Variants in RARB observed in about 807,000 individuals in gnomAD.
RARB encodes HBV-activated protein.
A neutral mutation model predicts 51.9 loss-of-function variants in RARB; 17 were observed. The ratio of observed to expected loss-of-function variants is 0.33; its 90% confidence interval spans 0.22 to 0.49. The LOEUF is 0.49. Among genes scored for constraint, RARB ranks in the 20% least tolerant of loss-of-function variants. The pLI is 0.99. For synonymous variants in RARB, 215 were observed against 195.4 expected (o/e 1.10, Z -0.84); for missense variants, 369 against 550.8 (o/e 0.67, Z 3.30).
At position 25,325,946 on chromosome 3, in the gene RARB, T is replaced by C. The variant is rs138524959; in HGVS notation, c.179-135247T>C. On this transcript the variant is annotated intron_variant, in intron 5 of 11. Coordinates refer to the RARB transcript ENST00000383772. The stretch of plus-strand genomic sequence containing the variant: ...AGACCAACAGATTCCAAATCACCTG[T>C]TGAGACCATGCAAGAGAAACGGAAG... Among the ~76,000 whole-genome samples, 255 of 152,314 alleles carry C rather than the reference T, an allele frequency of 1.7e-3. 1 individual carries two copies. Among genetic ancestry groups the C allele is most frequent in the African/African-American group, 5.8e-3 (243 of 41,564 alleles).
At chr3:25,306,222 C>G (rs1704148953) in intron 5 of RARB, among the ~76,000 whole-genome samples, 1 of 152,158 alleles carries the variant, frequency 6.6e-6, no homozygotes, top group South Asian at 2.1e-4. Context: ...CAGCTGCCCC[C>G]CAGGAAGGCC....
At chr3:25,572,078 G>A (rs73151315) in intron 4 of RARB, among the ~76,000 whole-genome samples, 9,193 of 152,240 alleles carry the variant, frequency 0.06, 374 homozygotes, top group South Asian at 0.12. Flanking sequence ...AGGTGAGGGC[G>A]TCTTGACCTA....
At chr3:24,830,257 A>G (rs565191790) in intron 1 of RARB, among the ~76,000 whole-genome samples, 2 of 143,406 alleles carry the variant, frequency 1.4e-5, no homozygotes, top group African/African-American at 5.1e-5. Context: ...ATGTAATTGC[A>G]GTGTGCCCCA....
intron 4 of RARB, among the ~76,000 whole-genome samples, chr3:25,134,555 A>G (rs1700001087): frequency 6.6e-6 from 1 of 151,992 alleles, no homozygotes; most frequent in South Asian, 2.1e-4. Context: ...TAATCATTCA[A>G]AGGTGTTAGC....
intron 2 of RARB, among the ~76,000 whole-genome samples, chr3:25,024,607 C>T (rs1395477381): frequency 1.3e-5 from 2 of 152,048 alleles, no homozygotes; most frequent in Admixed American, 1.3e-4. Flanking sequence ...GTCCATTGGA[C>T]TAGAAAGCCA....
intron 5 of RARB, among the ~76,000 whole-genome samples, chr3:25,586,936 T>A (rs1438350843): frequency 6.6e-6 from 1 of 152,218 alleles, no homozygotes; most frequent in African/African-American, 2.4e-5. Context: ...CACCTGTAGA[T>A]GTGGCACGAT....
intron 5 of RARB, among the ~76,000 whole-genome samples, chr3:25,208,686 CT>C (rs1463220791): frequency 6.6e-6 from 1 of 152,036 alleles, no homozygotes; most frequent in Non-Finnish European, 1.5e-5. Flanking sequence ...ATGCTGTCTC[CT>C]TTTGTTATTT....
At chr3:25,445,296 A>G (rs975893665) in intron 1 of RARB, among the ~76,000 whole-genome samples, 2 of 152,200 alleles carry the variant, frequency 1.3e-5, no homozygotes, top group African/African-American at 4.8e-5. Context: ...AATTAAAATA[A>G]GCATGACCAG....
intron 2 of RARB, among the ~76,000 whole-genome samples, chr3:25,013,276 C>A (rs1000187837): frequency 1.3e-5 from 2 of 152,068 alleles, no homozygotes; most frequent in East Asian, 1.9e-4. Context: ...CTATCTCAGA[C>A]CCTTATGTCA....
At chr3:25,441,346 T>G (rs1559403743) in intron 1 of RARB, 2 of 352,888 alleles carry the variant, frequency 5.7e-6, no homozygotes. Context: ...AAGGGAAGTT[T>G]GCGAATCAGT....
At chr3:24,919,437 A>T (rs567473569) in intron 2 of RARB, among the ~76,000 whole-genome samples, 5 of 152,336 alleles carry the variant, frequency 3.3e-5, no homozygotes, top group African/African-American at 1.2e-4. Flanking sequence ...CTAATCAAAG[A>T]TGGCCAACTG....
At chr3:24,869,439 T>G (rs1398250691) in intron 2 of RARB, among the ~76,000 whole-genome samples, 1 of 152,276 alleles carries the variant, frequency 6.6e-6, no homozygotes, top group Non-Finnish European at 1.5e-5. Flanking sequence ...TATTTTCTTT[T>G]GATTCAATAA....
intron 2 of RARB, among the ~76,000 whole-genome samples, chr3:24,874,977 T>G (rs763314187): frequency 6.6e-6 from 1 of 152,146 alleles, no homozygotes; most frequent in East Asian, 1.9e-4. Context: ...AAAAATCTAA[T>G]GCTTATTAAT....
At chr3:24,929,820 T>C (rs953698342) in intron 2 of RARB, among the ~76,000 whole-genome samples, 3 of 152,112 alleles carry the variant, frequency 2.0e-5, no homozygotes, top group Admixed American at 6.6e-5. Flanking sequence ...GGCTGCTGTT[T>C]TGAGTTGACT....
At chr3:25,204,209 G>C (rs1701469796) in intron 5 of RARB, among the ~76,000 whole-genome samples, 1 of 152,202 alleles carries the variant, frequency 6.6e-6, no homozygotes, top group South Asian at 2.1e-4. Flanking sequence ...CTTTCTTCCA[G>C]TTGATCGAAT....
At chr3:25,447,514 A>C (rs1398182119) in intron 1 of RARB, among the ~76,000 whole-genome samples, 1 of 152,210 alleles carries the variant, frequency 6.6e-6, no homozygotes, top group Non-Finnish European at 1.5e-5. Flanking sequence ...AATGTTTGTC[A>C]GCAGTTGATG....
intron 5 of RARB, among the ~76,000 whole-genome samples, chr3:25,294,441 T>C (rs562251443): frequency 1.3e-5 from 2 of 152,206 alleles, no homozygotes; most frequent in South Asian, 2.1e-4. Context: ...GCAGAAGGAA[T>C]TGAATATGGG....
chr3:25,244,731 A>G (rs1015270500), intron 5 of RARB, among the ~76,000 whole-genome samples: 1 of 152,146 alleles, frequency 6.6e-6, no homozygotes, highest in African/African-American at 2.4e-5. Flanking sequence ...TTTACTTCCA[A>G]TTATGTGGTC....
chr3:25,446,467 T>C lies in RARB; in HGVS notation c.158-14726T>C, dbSNP rs541450203. 3.9e-5 allele frequency among the ~76,000 whole-genome samples: 6 copies of C among 152,284 alleles called. No individual in the cohort carries two copies. The East Asian group carries it at 1.2e-3, about 29-fold the overall frequency. Reference sequence around the variant, plus strand: ...GACAGCCCACAAAGCCTAAAGTATTTCCTATCTGACCATTTACAAAATTTG... The same window carrying C: ...GACAGCCCACAAAGCCTAAAGTATTCCCTATCTGACCATTTACAAAATTTG... On this transcript the variant is annotated intron_variant, in intron 1 of 7. Coordinates refer to ENST00000330688, the MANE Select transcript of RARB (RefSeq NM_000965.5).
Sources: allele counts gnomAD v4.1 joint callset (sites outside exome capture counted in the v4.1 genomes callset), GRCh38; gene constraint gnomAD v4.1.1; transcripts MANE v1.5; gene names NCBI Gene and HGNC (gene_info 2026-07-23, HGNC 2026-07-21).